The following CHD1 variants were observed in gnomAD, a reference collection of about 807,000 sequenced individuals.
CHD1 encodes chromodomain helicase DNA binding protein 1.
A neutral mutation model predicts 224.2 loss-of-function variants in CHD1; 36 were observed. That is an observed-to-expected ratio of 0.16 (90% CI 0.12 to 0.21). CHD1 has a LOEUF of 0.21. Ranked by LOEUF, CHD1 falls within the 10% of genes least tolerant of loss-of-function variation. The pLI, the probability that CHD1 is intolerant of heterozygous loss-of-function variation, is 1.00. For synonymous variants in CHD1, 668 were observed against 658.3 expected, an observed-to-expected ratio of 1.01 and a Z score of -0.23; for missense variants, 1,378 against 1,994.8, an observed-to-expected ratio of 0.69 and a Z score of 5.89.
chr5:98,856,339 G>A lies in CHD1; in HGVS notation c.*41C>T, dbSNP rs564481901. The stretch of plus-strand genomic sequence containing the variant: ...ATTACTGTGTTGGTTTATGATATAT[G>A]GCTAAAAGAAAAGTCCAGAAAGACG... On this transcript the variant is annotated 3_prime_UTR_variant, in exon 36 of 36. Transcript: ENST00000614616. 6.8e-6 allele frequency: 10 copies of A among 1,470,494 alleles called. No homozygotes were observed. The East Asian group carries it at 1.1e-4, about 17-fold the overall frequency. The allele number at this position is 1,470,494 out of a possible 1,614,324, so 91.1% of individuals were successfully genotyped here.
chr5:98,925,017 C>A (rs161745), intron 2 of CHD1, among the ~76,000 whole-genome samples: 20,845 of 151,760 alleles, frequency 0.14, 1,812 homozygotes, highest in Middle Eastern at 0.27. Flanking sequence ...AGTTTCAGAT[C>A]AAATACAAAT....
intron 35 of CHD1, 108 bp from the exon 36 acceptor site, chr5:98,856,833 T>C: frequency 4.0e-6 from 3 of 757,566 alleles, no homozygotes; most frequent in Non-Finnish European, 6.3e-6. Context: ...TTTTTAATTG[T>C]ATAGAAATTC....
At chr5:98,906,424 A>G (rs1315486555) in intron 2 of CHD1, among the ~76,000 whole-genome samples, 15 of 152,198 alleles carry the variant, frequency 9.9e-5, no homozygotes, top group Admixed American at 9.8e-4. Flanking sequence ...TAGCAAGGAT[A>G]TTAAAAGATT....
chr5:98,900,440 C>A (rs1751626971), intron 7 of CHD1, among the ~76,000 whole-genome samples: 1 of 150,844 alleles, frequency 6.6e-6, no homozygotes, highest in Admixed American at 6.6e-5. Context: ...AAATACTTTA[C>A]CTTTTTTTTT....
intron 26 of CHD1, among the ~76,000 whole-genome samples, chr5:98,873,312 C>T (rs1160494707): frequency 6.6e-6 from 1 of 152,008 alleles, no homozygotes; most frequent in Admixed American, 6.5e-5. Context: ...TGTATATATA[C>T]ACATATATCT....
At chr5:98,883,728 A>T (rs1750370565) in intron 18 of CHD1, 1 of 163,886 alleles carries the variant, frequency 6.1e-6, no homozygotes, top group African/African-American at 2.4e-5. Flanking sequence ...ATCAACAAGA[A>T]GATAAACTGT....
At chr5:98,894,056 T>C (rs1751193721) in intron 13 of CHD1, among the ~76,000 whole-genome samples, 1 of 152,338 alleles carries the variant, frequency 6.6e-6, no homozygotes, top group South Asian at 2.1e-4. Context: ...GTCTCTGAGT[T>C]AGAGCAGGCC....
intron 2 of CHD1, among the ~76,000 whole-genome samples, chr5:98,919,033 A>C (rs1221651547): frequency 6.6e-6 from 1 of 152,248 alleles, no homozygotes; most frequent in East Asian, 1.9e-4. Context: ...GATTATAATA[A>C]TCTTTCTTGA....
At chr5:98,893,207 T>C (rs1460628259) in intron 14 of CHD1, among the ~76,000 whole-genome samples, 3 of 152,202 alleles carry the variant, frequency 2.0e-5, no homozygotes, top group African/African-American at 4.8e-5. Flanking sequence ...TCGTGATTTA[T>C]TACACATGGC....
At chr5:98,912,351 A>G (rs951053471) in intron 2 of CHD1, among the ~76,000 whole-genome samples, 1 of 152,202 alleles carries the variant, frequency 6.6e-6, no homozygotes, top group Non-Finnish European at 1.5e-5. Context: ...AAAAAATCCG[A>G]AAAGATAAAA....
At chr5:98,857,144 T>C (rs1010653610) in intron 35 of CHD1, among the ~76,000 whole-genome samples, 8 of 152,134 alleles carry the variant, frequency 5.3e-5, no homozygotes, top group Non-Finnish European at 5.9e-5. Context: ...GAATGCAGTC[T>C]ATGCTGAAAA....
In CHD1 at chr5:98,903,035, C is replaced by CTA. The variant is rs1028591716; in HGVS notation, c.373-73_373-72dup. On this transcript the variant is annotated intron_variant, in intron 4 of 35. Transcript: ENST00000614616. ...TTTAACCATATTAAATTTTTATTTG[C>CTA]TATACTATTTAACATTCACTTTACA... 1.7e-5 allele frequency: 15 copies of CTA among 879,936 alleles called. No homozygotes were observed. In the African/African-American group the frequency reaches 2.6e-4, roughly 15 times the overall value. 54.5% of individuals were successfully genotyped at this position (879,936 alleles called of 1,614,324 possible).
chr5:98,927,004 GA>G (rs1420695778), intron 1 of CHD1, among the ~76,000 whole-genome samples: 3 of 151,210 alleles, frequency 2.0e-5, no homozygotes, highest in African/African-American at 7.3e-5. Flanking sequence ...AGAAAGTTCT[GA>G]AAACGCTCCC....
At chr5:98,893,277 T>C in intron 14 of CHD1, 139 bp downstream of exon 14, 1 of 537,934 alleles carries the variant, frequency 1.9e-6, no homozygotes, top group Non-Finnish European at 3.2e-6. Flanking sequence ...TGACCTCATT[T>C]TCCTTTTTAA....
intron 27 of CHD1, 81 bp from the exon 28 acceptor site, chr5:98,872,282 G>C (rs572884581): frequency 4.0e-6 from 6 of 1,490,650 alleles, no homozygotes; most frequent in Non-Finnish European, 5.5e-6. Context: ...TGAGTCATTA[G>C]AACTTCAAAA....
rs1345292286 is a variant in CHD1 at position 98,856,282 on chromosome 5, ATC to A, written c.*96_*97del. 8.8e-6 allele frequency: 7 copies of A among 798,912 alleles called. No individual in the cohort carries two copies. Among genetic ancestry groups the A allele is most frequent in the Non-Finnish European group, 1.2e-5 (6 of 488,066 alleles). 49.5% of individuals were successfully genotyped at this position (798,912 alleles called of 1,614,324 possible). On this transcript the variant is annotated 3_prime_UTR_variant, in exon 36 of 36. Transcript: ENST00000614616. ...GTAACAATACTGCTACTGATAGAAG[ATC>A]TGTTTATATCTTTCAAGTCATGTAA...
chr5:98,894,046 G>A (rs919062629), intron 13 of CHD1, among the ~76,000 whole-genome samples: 1 of 152,146 alleles, frequency 6.6e-6, no homozygotes, highest in African/African-American at 2.4e-5. Context: ...TTAAACTTAG[G>A]TCTCTGAGTT....
chr5:98,889,079 T>A lies in CHD1; in HGVS notation c.2340A>T (p.Leu780Phe). 1 of 1,564,382 alleles carries A rather than the reference T, an allele frequency of 6.4e-7. No homozygotes were observed. ...AACAACATTTAAAAATTCTTACTTGTAAGGCCTCCTGTTTATTATAGAATT... is the reference window on the plus strand; with the variant it reads ...AACAACATTTAAAAATTCTTACTTGAAAGGCCTCCTGTTTATTATAGAATT... ...NNEFYNKQEA[L>F]QHLIRSSGKL... Residue 780 changes from leucine to phenylalanine, a missense_variant, in exon 16 of 36, where the codon TTA becomes TTT. By Grantham distance (22) the Leu-to-Phe change is conservative. Around this residue, in one of 16 missense-constraint regions of CHD1, gnomAD observed 58 missense variants for 90.0 expected, o/e 0.64. Coordinates refer to ENST00000614616, the MANE Select transcript of CHD1 (RefSeq NM_001270.4).
At position 98,928,806 on chromosome 5, in the gene CHD1, T is replaced by TCGCCGCCGCCGC. The variant is rs376566244; in HGVS notation, c.-428_-417dup. 3.1e-5 allele frequency: 5 copies of TCGCCGCCGCCGC among 159,242 alleles called. No homozygotes were observed. The highest frequency in any genetic ancestry group is 5.4e-5 in the Non-Finnish European group (4 of 73,460). The allele number at this position is 159,242 out of a possible 1,614,324, so 9.9% of individuals were successfully genotyped here. A position where few individuals can be genotyped will look rare whatever the true frequency, so the allele number is the denominator to read the frequency against. Reference sequence around the variant, plus strand: ...AGCAAGAGCTATAAGTAACCAGTCGTCGCCGCCGCCGCCGCCGCCGTCGCG... The same window carrying TCGCCGCCGCCGC: ...AGCAAGAGCTATAAGTAACCAGTCGTCGCCGCCGCCGCCGCCGCCGCCGCCGCCGCCGTCGCG... On this transcript the variant is annotated 5_prime_UTR_variant, in exon 1 of 36. Transcript: ENST00000614616.
Sources: allele counts gnomAD v4.1 joint callset (sites outside exome capture counted in the v4.1 genomes callset), GRCh38; gene constraint gnomAD v4.1.1; regional missense constraint gnomAD v4.1.1; transcripts MANE v1.5; gene names NCBI Gene and HGNC (gene_info 2026-07-23, HGNC 2026-07-21).